C1QTNF6: variants seen among roughly 807,000 people sequenced by gnomAD.
C1QTNF6 encodes C1q and TNF related 6.
A neutral mutation model predicts 20.7 loss-of-function variants in C1QTNF6; 17 were observed. The ratio of observed to expected loss-of-function variants is 0.82; its 90% confidence interval spans 0.56 to 1.23. The LOEUF is 1.23. Among genes scored for constraint, C1QTNF6 ranks in the 50% most tolerant of loss-of-function variants. The pLI is 0.00. For synonymous variants in C1QTNF6, 130 were observed against 156.3 expected (o/e 0.83, Z 1.25); for missense variants, 329 against 389.7 (o/e 0.84, Z 1.31).
In C1QTNF6 at chr22:37,182,364, C is replaced by A; in HGVS notation, c.661G>T (p.Ala221Ser). 6.2e-7 allele frequency: 1 copy of A among 1,614,274 alleles called. No homozygotes were observed. The highest frequency in any genetic ancestry group is 1.3e-5 in the African/African-American group (1 of 75,082). ...HNQKEAVILY[A>S]QPSERSIMQS... is the part of the protein sequence containing the mutation. ...ATGATGCTGCGCTCGCTGGGCTGCG[C>A]GTACAGGATGACAGCCTCTTTCTGG... The change falls in exon 3 of 3, where the codon GCG becomes TCG. Residue 221 changes from alanine to serine, a missense_variant. Ala to Ser is a moderately conservative substitution (Grantham distance 99). Coordinates refer to ENST00000337843, the MANE Select transcript of C1QTNF6 (RefSeq NM_031910.4).
rs1385183618 is a variant in C1QTNF6 at position 37,180,630 on chromosome 22, C to T, written c.*1558G>A. The T allele has an allele frequency of 6.6e-6, 1 of 152,566 alleles. No individual in the cohort carries two copies. Among genetic ancestry groups the T allele is most frequent in the Non-Finnish European group, 1.5e-5 (1 of 68,302 alleles). 9.5% of individuals were successfully genotyped at this position (152,566 alleles called of 1,614,324 possible). ...GAGACGAGGAGCTGCCCACCCGGGC[C>T]TTAGCACCTTGATAAAGCCTGGAGA... On this transcript the variant is annotated 3_prime_UTR_variant, in exon 3 of 3. Coordinates refer to ENST00000337843, the MANE Select transcript of C1QTNF6 (RefSeq NM_031910.4).
chr22:37,193,325 TGAG>T (rs1168241117), intron 2 of C1QTNF6, among the ~76,000 whole-genome samples: 1 of 152,230 alleles, frequency 6.6e-6, no homozygotes, highest in East Asian at 1.9e-4. Flanking sequence ...GGGGTGTCCA[TGAG>T]GAGAACAGAG....
intron 1 of C1QTNF6, chr22:37,185,930 G>A (rs1924290602): frequency 1.0e-6 from 1 of 986,284 alleles, no homozygotes; most frequent in Non-Finnish European, 1.2e-6. Context: ...ATGCCCTCCG[G>A]GCAGGAGGAC....
upstream of C1QTNF6, among the ~76,000 whole-genome samples, chr22:37,191,416 G>A (rs989583639): frequency 6.6e-6 from 1 of 152,092 alleles, no homozygotes; most frequent in Non-Finnish European, 1.5e-5. Flanking sequence ...TTTCATATTT[G>A]ACAATGCTTC....
At chr22:37,189,508 A>C (rs1924675975), upstream of C1QTNF6, among the ~76,000 whole-genome samples, 1 of 152,156 alleles carries the variant, frequency 6.6e-6, no homozygotes, top group Admixed American at 6.5e-5. Context: ...TTACGAGGGA[A>C]CGTTTAATCT....
chr22:37,189,297 C>G (rs974353746), upstream of C1QTNF6, among the ~76,000 whole-genome samples: 4 of 152,108 alleles, frequency 2.6e-5, no homozygotes, highest in African/African-American at 9.7e-5. Flanking sequence ...GTTTGTTTAC[C>G]GCATACTGTT....
chr22:37,198,973 T>C (rs898392043), upstream of C1QTNF6, among the ~76,000 whole-genome samples: 7 of 152,146 alleles, frequency 4.6e-5, no homozygotes, highest in African/African-American at 1.7e-4. Context: ...TTCAGCGGAG[T>C]TGGGCGGGCT....
intron 2 of C1QTNF6, among the ~76,000 whole-genome samples, chr22:37,194,754 C>G (rs1490306925): frequency 5.3e-5 from 8 of 152,208 alleles, no homozygotes; most frequent in Admixed American, 5.2e-4. Context: ...CTCCCGATGG[C>G]CCTTGTCATC....
chr22:37,191,931 T>C (rs1371517021), upstream of C1QTNF6, among the ~76,000 whole-genome samples: 1 of 152,362 alleles, frequency 6.6e-6, no homozygotes, highest in Middle Eastern at 3.4e-3. Context: ...ATAAACCTTT[T>C]ATAGCTCTTT....
At chr22:37,185,087 G>C in intron 2 of C1QTNF6, 131 bp downstream of exon 2, 2 of 1,423,932 alleles carry the variant, frequency 1.4e-6, no homozygotes, top group Non-Finnish European at 1.8e-6. Context: ...AACAGACCAG[G>C]CTCACATTGG....
chr22:37,186,767 C>T (rs1397746936), intron 1 of C1QTNF6, among the ~76,000 whole-genome samples: 1 of 152,172 alleles, frequency 6.6e-6, no homozygotes, highest in African/African-American at 2.4e-5. Context: ...ACACTTCTGG[C>T]GTTTCTTTGT....
intron 1 of C1QTNF6, among the ~76,000 whole-genome samples, chr22:37,186,626 G>T (rs1039376690): frequency 1.3e-5 from 2 of 152,196 alleles, no homozygotes; most frequent in African/African-American, 4.8e-5. Context: ...GACACCAGGC[G>T]CTAGAGACAG....
rs229530 is a variant in C1QTNF6 at position 37,187,993 on chromosome 22, G to A, written c.51+170C>T. ...GGGCACAAACCGGGAGCAGTGGAGC[G>A]CAGCCCTCAGCCAGAGGCAGGAGGA... On this transcript the variant is annotated intron_variant, in intron 1 of 2. Coordinates refer to ENST00000337843, the MANE Select transcript of C1QTNF6 (RefSeq NM_031910.4). 2.5e-3 allele frequency among the ~76,000 whole-genome samples: 375 copies of A among 152,220 alleles called. 2 individuals carry two copies. The highest frequency in any genetic ancestry group is 7.8e-3 in the African/African-American group (325 of 41,524).
upstream of C1QTNF6, chr22:37,190,911 A>C (rs1569069440): frequency 6.6e-6 from 1 of 152,164 alleles, no homozygotes; most frequent in Non-Finnish European, 1.5e-5. Context: ...TAGCTCAAGA[A>C]GGGGGGGTTT....
chr22:37,189,261 A>G (rs769408086), upstream of C1QTNF6, among the ~76,000 whole-genome samples: 4 of 152,184 alleles, frequency 2.6e-5, no homozygotes, highest in African/African-American at 7.2e-5. Flanking sequence ...TTTCATTGCA[A>G]TCTTAGATTT....
intron 2 of C1QTNF6, among the ~76,000 whole-genome samples, chr22:37,183,455 TG>T (rs1923981882): frequency 6.6e-6 from 1 of 152,206 alleles, no homozygotes; most frequent in African/African-American, 2.4e-5. Context: ...GCATCTACAA[TG>T]GCCCCCAGGC....
chr22:37,184,305 C>T lies in C1QTNF6; in HGVS notation c.289+913G>A. The stretch of plus-strand genomic sequence containing the variant: ...GCCCCAGGAGACTGGGTTTCCCCAT[C>T]TGCAAAGTGGGAGGAATAAGAAAAT... On this transcript the variant is annotated intron_variant, in intron 2 of 2. Coordinates refer to ENST00000337843, the MANE Select transcript of C1QTNF6 (RefSeq NM_031910.4). The surrounding 1 kb of genome is among the most constrained non-coding windows in gnomAD (Gnocchi z 4.0). The T allele has an allele frequency of 1.4e-6, 1 of 713,168 alleles. No individual in the cohort carries two copies. Among genetic ancestry groups the T allele is most frequent in the Admixed American group, 2.0e-5 (1 of 49,934 alleles). The allele number at this position is 713,168 out of a possible 1,614,324, so 44.2% of individuals were successfully genotyped here.
Position 37,182,098 on chromosome 22 carries a change from C to T in C1QTNF6, c.*90G>A, listed in dbSNP as rs893037088. 6 of 1,419,932 alleles carry T rather than the reference C, an allele frequency of 4.2e-6. No individual in the cohort carries two copies. Among genetic ancestry groups the T allele is most frequent in the Non-Finnish European group, 5.6e-6 (6 of 1,063,382 alleles). 88.0% of individuals were successfully genotyped at this position (1,419,932 alleles called of 1,614,324 possible). On this transcript the variant is annotated 3_prime_UTR_variant, in exon 3 of 3. Coordinates refer to ENST00000337843, the MANE Select transcript of C1QTNF6 (RefSeq NM_031910.4). ...GCCAGGTCCCCGGGGACCTCCCTGG[C>T]CTTCCTGCTTCACAGCAGTGCAAAC...
upstream of C1QTNF6, chr22:37,190,771 C>T (rs1277651070): frequency 1.3e-5 from 2 of 151,570 alleles, no homozygotes; most frequent in Non-Finnish European, 2.9e-5. Context: ...AGAACACTCA[C>T]AAATAGTTTC....
Sources: allele counts gnomAD v4.1 joint callset (sites outside exome capture counted in the v4.1 genomes callset), GRCh38; gene constraint gnomAD v4.1.1; non-coding constraint Gnocchi (gnomAD v3.1); transcripts MANE v1.5; gene names NCBI Gene and HGNC (gene_info 2026-07-23, HGNC 2026-07-21).